Variants in GFRA2 observed in about 807,000 individuals in gnomAD.
The protein encoded by GFRA2 is GDNF family receptor alpha-2.
A neutral mutation model predicts 48.3 loss-of-function variants in GFRA2; 17 were observed. That is an observed-to-expected ratio of 0.35 (90% CI 0.24 to 0.53). The LOEUF (loss-of-function observed/expected upper bound fraction) is 0.53, where lower values mean the gene tolerates loss of function less well. GFRA2 is among the 20% of genes least tolerant of loss of function. The pLI, the probability that GFRA2 is intolerant of heterozygous loss-of-function variation, is 0.93. For missense variants in GFRA2, 660 were observed against 637.3 expected (o/e 1.04, Z -0.38); for synonymous variants, 305 against 257.2 (o/e 1.19, Z -1.78).
chr8:21,737,597 C>G (rs972350405), intron 4 of GFRA2, among the ~76,000 whole-genome samples: 2 of 152,086 alleles, frequency 1.3e-5, no homozygotes, highest in African/African-American at 4.8e-5. Context: ...ACTCTCCTCC[C>G]TCAGCCGGCA....
chr8:21,787,854 G>A (rs1807359720), intron 1 of GFRA2, among the ~76,000 whole-genome samples: 1 of 152,322 alleles, frequency 6.6e-6, no homozygotes, highest in African/African-American at 2.4e-5. Context: ...GCGCGGGTGT[G>A]TGTGTGCGTG....
At chr8:21,798,850 G>T (rs1807721963) in intron 2 of GFRA2, among the ~76,000 whole-genome samples, 1 of 152,160 alleles carries the variant, frequency 6.6e-6, no homozygotes, top group African/African-American at 2.4e-5. Flanking sequence ...GAATACTGAG[G>T]CCTCCAGGTC....
At chr8:21,800,189 G>A (rs1807745806) in intron 2 of GFRA2, among the ~76,000 whole-genome samples, 1 of 152,134 alleles carries the variant, frequency 6.6e-6, no homozygotes, top group South Asian at 2.1e-4. Context: ...AACTGATAAT[G>A]GCCCATTTTT....
chr8:21,702,775 TC>T, intron 7 of GFRA2, 29 bp downstream of exon 7: 8 of 1,545,674 alleles, frequency 5.2e-6, no homozygotes, highest in East Asian at 2.5e-5. Context: ...GCCATGGTGC[TC>T]CCCCCACGCC....
In GFRA2 at chr8:21,799,275, T is replaced by C. The variant is rs1326486070; in HGVS notation, c.-36+5742A>G. Among the ~76,000 whole-genome samples, 3 of 151,354 alleles carry C rather than the reference T, an allele frequency of 2.0e-5. No individual in the cohort carries two copies. In the South Asian group the frequency reaches 6.3e-4, roughly 32 times the overall value. On this transcript the variant is annotated intron_variant, in intron 2 of 10. Transcript: ENST00000517328. ...CTCTGTCACCCAGGCTGGAGTGCAG[T>C]GGCGCGATCGCGGCTCACTGTAAGC...
At chr8:21,742,269 G>A (rs957230592) in intron 4 of GFRA2, among the ~76,000 whole-genome samples, 1 of 152,164 alleles carries the variant, frequency 6.6e-6, no homozygotes, top group African/African-American at 2.4e-5. Context: ...TCATGGCGGT[G>A]GGGCCCTCAT....
chr8:21,758,207 A>G (rs76473239), intron 3 of GFRA2, among the ~76,000 whole-genome samples: 1 of 42,522 alleles, frequency 2.4e-5, no homozygotes, highest in East Asian at 1.0e-3. Context: ...CCCACTCCCC[A>G]CACACACACA....
chr8:21,783,919 CCT>C (rs1219939258), intron 1 of GFRA2, among the ~76,000 whole-genome samples: 1 of 152,016 alleles, frequency 6.6e-6, no homozygotes, highest in African/African-American at 2.4e-5. Flanking sequence ...TCTCTCAGCT[CCT>C]CTCTTTCTTT....
intron 6 of GFRA2, among the ~76,000 whole-genome samples, chr8:21,704,341 C>T (rs751040546): frequency 6.6e-6 from 1 of 152,238 alleles, no homozygotes; most frequent in South Asian, 2.1e-4. Flanking sequence ...CCCAGAGCAG[C>T]TCACTTGCAC....
intron 3 of GFRA2, among the ~76,000 whole-genome samples, chr8:21,764,602 C>T (rs1806066561): frequency 6.6e-6 from 1 of 152,234 alleles, no homozygotes; most frequent in Non-Finnish European, 1.5e-5. Flanking sequence ...TTAGAAGGAC[C>T]CAGCTCCAGC....
intron 7 of GFRA2, among the ~76,000 whole-genome samples, chr8:21,697,136 G>A (rs1585220940): frequency 1.3e-5 from 2 of 148,276 alleles, no homozygotes; most frequent in South Asian, 2.2e-4. Flanking sequence ...AAGGGGGAGG[G>A]GACAGAGGGA....
chr8:21,785,201 G>C (rs927568633), intron 1 of GFRA2, among the ~76,000 whole-genome samples: 1 of 152,118 alleles, frequency 6.6e-6, no homozygotes, highest in Non-Finnish European at 1.5e-5. Context: ...CGCTTTTTTT[G>C]CTTGTCCTAC....
At chr8:21,728,960 C>A (rs1336593533) in intron 4 of GFRA2, among the ~76,000 whole-genome samples, 3 of 152,218 alleles carry the variant, frequency 2.0e-5, no homozygotes, top group African/African-American at 4.8e-5. Flanking sequence ...GTCTGGACAG[C>A]AGAATCGGGC....
intron 6 of GFRA2, 22 bp downstream of exon 6, chr8:21,704,962 TG>T (rs1263634021): frequency 6.3e-7 from 1 of 1,582,930 alleles, no homozygotes; most frequent in East Asian, 2.3e-5. Context: ...CTGCTGGGGT[TG>T]GGGAGAACAT....
intron 2 of GFRA2, among the ~76,000 whole-genome samples, chr8:21,777,339 C>T (rs2117718282): frequency 6.7e-6 from 1 of 149,614 alleles, no homozygotes; most frequent in African/African-American, 2.5e-5. Flanking sequence ...GGGGCCTGTC[C>T]TTCCCTACTG....
intron 4 of GFRA2, among the ~76,000 whole-genome samples, chr8:21,749,845 T>C (rs1805191347): frequency 6.6e-6 from 1 of 151,802 alleles, no homozygotes; most frequent in Admixed American, 6.6e-5. Flanking sequence ...TGACCTTCCA[T>C]CCCTTCACCT....
At chr8:21,768,233 T>A (rs1304496670) in intron 3 of GFRA2, among the ~76,000 whole-genome samples, 4 of 152,236 alleles carry the variant, frequency 2.6e-5, no homozygotes, top group African/African-American at 7.2e-5. Flanking sequence ...AAGCCCAATT[T>A]TCGTTGACAC....
chr8:21,702,779 C>T, intron 7 of GFRA2, 26 bp downstream of exon 7: 1 of 1,563,820 alleles, frequency 6.4e-7, no homozygotes, highest in South Asian at 1.2e-5. Flanking sequence ...TGGTGCTCCC[C>T]CCACGCCTCA....
chr8:21,709,310 A>G (rs1017165623), intron 4 of GFRA2, among the ~76,000 whole-genome samples: 11 of 152,218 alleles, frequency 7.2e-5, no homozygotes, highest in African/African-American at 2.7e-4. Flanking sequence ...CTACACACAC[A>G]TAGCCTGGAC....
Sources: allele counts gnomAD v4.1 joint callset (sites outside exome capture counted in the v4.1 genomes callset), GRCh38; gene constraint gnomAD v4.1.1; transcripts MANE v1.5; gene names NCBI Gene and HGNC (gene_info 2026-07-23, HGNC 2026-07-21).